SRFBP1: variants seen among roughly 807,000 people sequenced by gnomAD.
The protein encoded by SRFBP1 is serum response factor binding protein 1.
Under a neutral mutation model 45.5 loss-of-function variants are expected in SRFBP1, and 47 were observed. That is an observed-to-expected ratio of 1.03 (90% CI 0.82 to 1.32). The LOEUF is 1.32. Among genes scored for constraint, SRFBP1 ranks in the 40% most tolerant of loss-of-function variants. The probability of loss-of-function intolerance (pLI) is 0.00; values close to 1 mark genes in which losing one functional copy is unlikely to be tolerated. For synonymous variants in SRFBP1, 203 were observed against 166.3 expected (o/e 1.22, Z -1.70); for missense variants, 621 against 484.6 (o/e 1.28, Z -2.64).
downstream of SRFBP1, chr5:122,077,908 G>A: frequency 6.6e-7 from 1 of 1,514,600 alleles, no homozygotes; most frequent in Non-Finnish European, 8.8e-7. This position sits in a 1 kb window ranked among gnomAD's most constrained non-coding sequence, Gnocchi z 4.9. Context: ...GCTGTTGGCC[G>A]GCGGCGGGAG....
chr5:122,000,263 A>G (rs181191664), intron 4 of SRFBP1, among the ~76,000 whole-genome samples: 2 of 152,206 alleles, frequency 1.3e-5, no homozygotes, highest in Admixed American at 1.3e-4. Context: ...AACATTTTAC[A>G]TATGCTATAA....
intron 1 of SRFBP1, among the ~76,000 whole-genome samples, chr5:121,964,357 C>T (rs753717134): frequency 1.3e-4 from 20 of 152,046 alleles, no homozygotes; most frequent in Admixed American, 9.2e-4. Flanking sequence ...TCCCCCCACC[C>T]GACAGGCCTT....
In SRFBP1 at chr5:122,073,520, G is replaced by A. The variant is rs555518796; in HGVS notation, n.312-1795G>A. On this transcript the variant is annotated intron_variant and non_coding_transcript_variant, in intron 2 of 2. Transcript: ENST00000504881. ...TTCTATTTTCAGCATAAAACAGAAGGAAGGAATGGTTTCACAGGTGAAAAA... is the reference window on the plus strand; with the variant it reads ...TTCTATTTTCAGCATAAAACAGAAGAAAGGAATGGTTTCACAGGTGAAAAA... 2.6e-5 allele frequency among the ~76,000 whole-genome samples: 4 copies of A among 152,286 alleles called. No homozygotes were observed. In the South Asian group the frequency reaches 8.3e-4, roughly 32 times the overall value.
chr5:121,973,729 G>T (rs1434011766), intron 1 of SRFBP1, among the ~76,000 whole-genome samples: 1 of 151,550 alleles, frequency 6.6e-6, no homozygotes, highest in Non-Finnish European at 1.5e-5. Context: ...AATAATGAAA[G>T]ATTTGTTTTA....
intron 3 of SRFBP1, among the ~76,000 whole-genome samples, chr5:121,981,415 A>G (rs1752405184): frequency 6.6e-6 from 1 of 152,032 alleles, no homozygotes; most frequent in Admixed American, 6.6e-5. Context: ...CCTTCAAATC[A>G]TGTTCTGCAC....
intron 2 of SRFBP1, among the ~76,000 whole-genome samples, chr5:122,041,409 T>A (rs1356984312): frequency 6.6e-6 from 1 of 152,132 alleles, no homozygotes; most frequent in Non-Finnish European, 1.5e-5. Context: ...GCTTTTTTTT[T>A]AACCATATCT....
At chr5:122,077,473 A>G, downstream of SRFBP1, 1 of 1,613,970 alleles carries the variant, frequency 6.2e-7, no homozygotes, top group South Asian at 1.1e-5. This position sits in a 1 kb window ranked among gnomAD's most constrained non-coding sequence, Gnocchi z 4.9. Context: ...AGGGGTTGTA[A>G]GGGTCGTCGC....
In SRFBP1 at chr5:122,070,196, T is replaced by C. The variant is rs751215245; in HGVS notation, n.312-5119T>C. The C allele has an allele frequency of 3.2e-6, 4 of 1,260,410 alleles. No individual in the cohort carries two copies. The Admixed American group carries it at 5.1e-5, about 16-fold the overall frequency. 78.1% of individuals were successfully genotyped at this position (1,260,410 alleles called of 1,614,324 possible). On this transcript the variant is annotated intron_variant and non_coding_transcript_variant, in intron 2 of 2. Transcript: ENST00000504881. ...GGGCAACACAAAGAGTTCCTCAGTA[T>C]TTCTTTTTCCATAGGGCTACAATAA...
At chr5:122,072,465 G>A (rs1373524483) in intron 2 of SRFBP1, among the ~76,000 whole-genome samples, 3 of 152,068 alleles carry the variant, frequency 2.0e-5, no homozygotes, top group Non-Finnish European at 4.4e-5. Context: ...TTTTAGTTTC[G>A]TATATATTTA....
At chr5:122,004,477 G>A (rs947517730) in intron 4 of SRFBP1, among the ~76,000 whole-genome samples, 1 of 151,828 alleles carries the variant, frequency 6.6e-6, no homozygotes, top group South Asian at 2.1e-4. Context: ...CTGTTCTTTT[G>A]GTCAGTATGA....
In SRFBP1 at chr5:122,060,001, T is replaced by G. The variant is rs113125531; in HGVS notation, n.312-15314T>G. Among the ~76,000 whole-genome samples the G allele has an allele frequency of 3.1e-3, 466 of 152,194 alleles. 4 individuals carry two copies. The highest frequency in any genetic ancestry group is 0.011 in the African/African-American group (450 of 41,540). On this transcript the variant is annotated intron_variant and non_coding_transcript_variant, in intron 2 of 2. Transcript: ENST00000504881. ...CTTTTTGGAACTCCAGTGTGACATG[T>G]TGAATAAGAAGGAACTTGGATCTTC...
chr5:122,071,349 T>C (rs1754447129), intron 2 of SRFBP1, among the ~76,000 whole-genome samples: 1 of 152,126 alleles, frequency 6.6e-6, no homozygotes, highest in South Asian at 2.1e-4. Context: ...TAAGCTGGTT[T>C]TGAGTTTAGG....
intron 4 of SRFBP1, among the ~76,000 whole-genome samples, chr5:122,003,206 A>G (rs1436922057): frequency 1.3e-5 from 2 of 152,060 alleles, no homozygotes; most frequent in South Asian, 2.1e-4. Context: ...TAAGCTGGGC[A>G]TGGTGACACA....
At chr5:122,068,991 C>T (rs1754379628) in intron 2 of SRFBP1, among the ~76,000 whole-genome samples, 1 of 151,992 alleles carries the variant, frequency 6.6e-6, no homozygotes, top group African/African-American at 2.4e-5. Context: ...GGCCATAAAA[C>T]CTGCCAGGTT....
At chr5:122,040,668 C>T (rs551415476) in intron 2 of SRFBP1, among the ~76,000 whole-genome samples, 69 of 152,230 alleles carry the variant, frequency 4.5e-4, no homozygotes, top group Middle Eastern at 3.4e-3. Context: ...TAGTTGATAT[C>T]GTAGGCACCA....
In SRFBP1 at chr5:122,020,571, G is replaced by A. The variant is rs1013303461; in HGVS notation, c.836G>A (p.Ser279Asn). ...FYKQSSMSED[S>N]DSGDDFFIGK... ...AAGCAGTCTTCCATGTCTGAAGATA[G>A]TGATAGCGGTGACGACTTCTTCATT... The change falls in exon 6 of 8, where the codon AGT becomes AAT. Residue 279 changes from serine (S) to asparagine (N), a missense_variant. Physicochemically the swap from Ser to Asn is conservative, Grantham distance 46 (BLOSUM62 1). Transcript: ENST00000339397. The A allele has an allele frequency of 6.2e-7, 1 of 1,614,070 alleles. No homozygotes were observed. The highest frequency in any genetic ancestry group is 1.1e-5 in the South Asian group (1 of 91,050).
At chr5:122,078,694 T>TC (rs1217966010), downstream of SRFBP1, among the ~76,000 whole-genome samples, 1 of 152,108 alleles carries the variant, frequency 6.6e-6, no homozygotes, top group Non-Finnish European at 1.5e-5. Context: ...TGACTAAAGT[T>TC]TATCCATAAA....
rs191926378 is a variant in SRFBP1 at position 122,037,244 on chromosome 5, C to T, written n.311+14837C>T. 1.2e-4 allele frequency among the ~76,000 whole-genome samples: 19 copies of T among 152,284 alleles called. No homozygotes were observed. The South Asian group carries it at 2.5e-3, about 20-fold the overall frequency. On this transcript the variant is annotated intron_variant and non_coding_transcript_variant, in intron 2 of 2. Transcript: ENST00000504881. ...TTGAGCCTCAGGGTGGTCTTAGGGA[C>T]CCCCAACCCAATGGGGAAACTGACA...
intron 4 of SRFBP1, among the ~76,000 whole-genome samples, chr5:122,015,657 A>G (rs1015452897): frequency 2.5e-4 from 38 of 152,248 alleles, no homozygotes; most frequent in African/African-American, 9.2e-4. Flanking sequence ...GCAGGCTGGA[A>G]CAGCCCCCAT....
Sources: gnomAD v4.1 joint callset for allele counts (sites outside exome capture counted in the v4.1 genomes callset) on GRCh38, gnomAD v4.1.1 for gene constraint, Gnocchi (gnomAD v3.1) non-coding constraint, MANE v1.5 for transcripts, NCBI Gene and HGNC (gene_info 2026-07-23, HGNC 2026-07-21) for gene names.